CTNNA2: variants seen among roughly 807,000 people sequenced by gnomAD.
CTNNA2 encodes the protein catenin alpha 2.
In CTNNA2, 42 loss-of-function variants were observed where a neutral mutation model predicts 101.0. The observed-to-expected ratio is 0.42, with a 90% CI of 0.32 to 0.54. The LOEUF is 0.54. Among genes scored for constraint, CTNNA2 ranks in the 20% least tolerant of loss-of-function variants. The probability of loss-of-function intolerance (pLI) is 0.14; values close to 1 mark genes in which losing one functional copy is unlikely to be tolerated. For synonymous variants in CTNNA2, 450 were observed against 456.4 expected (o/e 0.99, Z 0.18); for missense variants, 871 against 1,223.1 (o/e 0.71, Z 4.29).
At chr2:79,996,336 A>G (rs1444846275) in intron 7 of CTNNA2, among the ~76,000 whole-genome samples, 3 of 152,170 alleles carry the variant, frequency 2.0e-5, no homozygotes, top group Non-Finnish European at 4.4e-5. Context: ...GCTGCTTGAT[A>G]TTTGGCCTCC....
chr2:79,827,018 G>A (rs1404867535), intron 3 of CTNNA2, among the ~76,000 whole-genome samples: 1 of 152,026 alleles, frequency 6.6e-6, no homozygotes, highest in Non-Finnish European at 1.5e-5. Context: ...AATTACCTAC[G>A]TAACAATTAG....
rs1321715220 is a variant in CTNNA2 at position 79,236,984 on chromosome 2, TG to T, written c.-406+38910del. On this transcript the variant is annotated intron_variant, in intron 2 of 21. Coordinates refer to the CTNNA2 transcript ENST00000466387. The stretch of plus-strand genomic sequence containing the variant: ...CCTATGAATGTTGGTATTTTGACAT[TG>T]GAGCATGACTGAAAAATTGTCTTAA... Among the ~76,000 whole-genome samples the T allele has an allele frequency of 2.0e-5, 3 of 152,222 alleles. No individual in the cohort carries two copies. The East Asian group carries it at 5.8e-4, about 29-fold the overall frequency.
Position 80,302,192 on chromosome 2 carries a change from G to C in CTNNA2, c.1057-91019G>C. On this transcript the variant is annotated intron_variant, in intron 7 of 18. Transcript: ENST00000402739. This position sits in a 1 kb window ranked among gnomAD's most constrained non-coding sequence, Gnocchi z 6.4. ...GGAGACCCCAGCCTGGTGCCCGCCG[G>C]CCCGTCCCGGCTGCCCAGGCGTATT... 6.4e-7 allele frequency: 1 copy of C among 1,564,248 alleles called. No homozygotes were observed. The highest frequency in any genetic ancestry group is 8.7e-7 in the Non-Finnish European group (1 of 1,154,740).
At chr2:80,560,054 CAA>C (rs70940085) in intron 12 of CTNNA2, among the ~76,000 whole-genome samples, 2,290 of 54,896 alleles carry the variant, frequency 0.042, 68 homozygotes, top group African/African-American at 0.14. Context: ...AACAATAGAC[CAA>C]AAAAAAAAAA....
intron 1 of CTNNA2, among the ~76,000 whole-genome samples, chr2:79,628,880 C>T (rs1189789870): frequency 6.6e-6 from 1 of 152,154 alleles, no homozygotes; most frequent in African/African-American, 2.4e-5. Flanking sequence ...AGCCCTGACC[C>T]TTTAGTTAAT....
At chr2:79,933,112 A>G (rs954700109) in intron 7 of CTNNA2, among the ~76,000 whole-genome samples, 5 of 152,190 alleles carry the variant, frequency 3.3e-5, no homozygotes, top group African/African-American at 9.6e-5. Flanking sequence ...CATGCTTTAT[A>G]GGGTTTTTGT....
chr2:79,359,232 C>T (rs535164969), intron 3 of CTNNA2, among the ~76,000 whole-genome samples: 4 of 152,278 alleles, frequency 2.6e-5, no homozygotes, highest in African/African-American at 9.6e-5. Flanking sequence ...TATGATGTTG[C>T]TGCAAGAGGG....
At chr2:79,567,013 C>T (rs1675160059) in intron 1 of CTNNA2, among the ~76,000 whole-genome samples, 1 of 152,066 alleles carries the variant, frequency 6.6e-6, no homozygotes, top group Non-Finnish European at 1.5e-5. Flanking sequence ...CCAACAAATA[C>T]ACATTTGGGT....
At chr2:80,440,269 A>C (rs1385139532) in intron 9 of CTNNA2, among the ~76,000 whole-genome samples, 2 of 152,210 alleles carry the variant, frequency 1.3e-5, no homozygotes, top group Non-Finnish European at 2.9e-5. Flanking sequence ...AAATCTTAAC[A>C]ACCATGGGGT....
intron 2 of CTNNA2, among the ~76,000 whole-genome samples, chr2:79,725,369 G>A (rs1278389173): frequency 6.6e-6 from 1 of 152,130 alleles, no homozygotes; most frequent in Non-Finnish European, 1.5e-5. Context: ...TTTGACATAG[G>A]TTAATACCAT....
chr2:79,831,964 C>A (rs2105430471), intron 3 of CTNNA2, among the ~76,000 whole-genome samples: 1 of 152,034 alleles, frequency 6.6e-6, no homozygotes, highest in African/African-American at 2.4e-5. Flanking sequence ...CTTTAATAAC[C>A]TTCTCAGGCA....
At chr2:80,641,730 T>G (rs1673509127) in intron 18 of CTNNA2, among the ~76,000 whole-genome samples, 1 of 152,100 alleles carries the variant, frequency 6.6e-6, no homozygotes. Flanking sequence ...TATTTTCTAT[T>G]CAAGTAAAAT....
At chr2:80,493,191 A>C (rs977553404) in intron 9 of CTNNA2, among the ~76,000 whole-genome samples, 1 of 152,188 alleles carries the variant, frequency 6.6e-6, no homozygotes, top group African/African-American at 2.4e-5. Context: ...GGGCTAAATT[A>C]GTGTGAATCT....
chr2:79,208,683 T>C lies in CTNNA2; in HGVS notation c.-406+10607T>C, dbSNP rs76318979. Among the ~76,000 whole-genome samples, 105 of 152,292 alleles carry C rather than the reference T, an allele frequency of 6.9e-4. 2 individuals are homozygous for C. In the East Asian group the frequency reaches 0.019, roughly 27 times the overall value. ...TACACATCTTCTTTCAGGCTTTTTG[T>C]GTTAGCAGGTATTTTGGTTCCCATT... On this transcript the variant is annotated intron_variant, in intron 2 of 21. Transcript: ENST00000466387.
intron 4 of CTNNA2, among the ~76,000 whole-genome samples, chr2:79,503,301 T>C (rs1402000905): frequency 2.0e-5 from 3 of 152,216 alleles, no homozygotes; most frequent in Non-Finnish European, 4.4e-5. Flanking sequence ...ATATGATGTC[T>C]AATAAGAACT....
intron 3 of CTNNA2, among the ~76,000 whole-genome samples, chr2:79,823,117 C>T (rs1313969963): frequency 6.6e-6 from 1 of 152,174 alleles, no homozygotes; most frequent in Non-Finnish European, 1.5e-5. Flanking sequence ...AACAGAGCGA[C>T]GACTTTTGTC....
At chr2:79,443,011 G>A (rs1338615627) in intron 4 of CTNNA2, among the ~76,000 whole-genome samples, 1 of 152,034 alleles carries the variant, frequency 6.6e-6, no homozygotes, top group African/African-American at 2.4e-5. Context: ...AACAATTTCT[G>A]GTGTATGTCA....
intron 2 of CTNNA2, among the ~76,000 whole-genome samples, chr2:79,664,705 C>CTTTTTT (rs67782114): frequency 5.3e-5 from 5 of 94,986 alleles, no homozygotes; most frequent in African/African-American, 8.7e-5. Context: ...TCACATTCTT[C>CTTTTTT]TTTTTTTTTT....
chr2:79,205,245 A>G (rs921470063), intron 2 of CTNNA2, among the ~76,000 whole-genome samples: 1 of 152,216 alleles, frequency 6.6e-6, no homozygotes, highest in Admixed American at 6.5e-5. Flanking sequence ...GAGATTCTTT[A>G]GGTATCCCAG....
Sources: allele counts gnomAD v4.1 joint callset (sites outside exome capture counted in the v4.1 genomes callset), GRCh38; gene constraint gnomAD v4.1.1; non-coding constraint Gnocchi (gnomAD v3.1); transcripts MANE v1.5; gene names NCBI Gene and HGNC (gene_info 2026-07-23, HGNC 2026-07-21).